Variants in ZNF451 observed in about 807,000 individuals in gnomAD.
ZNF451 encodes E3 SUMO-protein ligase ZNF451.
Under a neutral mutation model 107.1 loss-of-function variants are expected in ZNF451, and 80 were observed. That is an observed-to-expected ratio of 0.75 (90% CI 0.62 to 0.90). ZNF451 has a LOEUF of 0.90. Ranked by LOEUF, ZNF451 falls within the 40% of genes least tolerant of loss-of-function variation. ZNF451 has a pLI of 0.00. For missense variants in ZNF451, 1,107 were observed against 1,236.2 expected, an observed-to-expected ratio of 0.90 and a Z score of 1.57; for synonymous variants, 362 against 406.5, an observed-to-expected ratio of 0.89 and a Z score of 1.32.
In ZNF451 at chr6:57,158,010, A is replaced by G. The variant is rs185644047; in HGVS notation, c.3071-3074A>G. Among the ~76,000 whole-genome samples, 42 of 152,362 alleles carry G rather than the reference A, an allele frequency of 2.8e-4. No individual in the cohort carries two copies. In the East Asian group the frequency reaches 7.3e-3, roughly 27 times the overall value. ...TAAATATGTTGAAAGAACTTCTTCCATATGCTTTTTAATCCCCTTTGCAAG... is the reference window on the plus strand; with the variant it reads ...TAAATATGTTGAAAGAACTTCTTCCGTATGCTTTTTAATCCCCTTTGCAAG... On this transcript the variant is annotated intron_variant, in intron 13 of 14. Transcript: ENST00000370706.
In ZNF451 at chr6:57,105,654, AT is replaced by A. The variant is rs1029508745; in HGVS notation, c.186+6517del. The A allele has an allele frequency of 3.0e-6, 3 of 985,128 alleles. No individual in the cohort carries two copies. In the African/African-American group the frequency reaches 5.2e-5, roughly 17 times the overall value. 61.0% of individuals were successfully genotyped at this position (985,128 alleles called of 1,614,324 possible). On this transcript the variant is annotated intron_variant, in intron 3 of 14. Coordinates refer to ENST00000370706, the MANE Select transcript of ZNF451 (RefSeq NM_001031623.3). ...CCTTTTTGTTATTAGTGAGTGGCTA[AT>A]TTTGGGGGGCCTTAAGGCAGCTTTG...
intron 13 of ZNF451, among the ~76,000 whole-genome samples, chr6:57,157,675 T>G (rs942982169): frequency 1.6e-4 from 25 of 152,190 alleles, no homozygotes; most frequent in Non-Finnish European, 7.3e-5. Flanking sequence ...ATCATTTCTA[T>G]TTTATATTGT....
chr6:57,100,904 T>A (rs995586113), intron 3 of ZNF451: 6 of 1,550,670 alleles, frequency 3.9e-6, no homozygotes, highest in Non-Finnish European at 4.4e-6. Context: ...TCTTCTGAGG[T>A]CAAAGAGAAT....
At chr6:57,112,536 G>A (rs1004267414) in intron 3 of ZNF451, among the ~76,000 whole-genome samples, 7 of 152,156 alleles carry the variant, frequency 4.6e-5, no homozygotes, top group African/African-American at 7.2e-5. Flanking sequence ...ATTGTTTTGT[G>A]TATATCCCCT....
At chr6:57,101,785 C>T (rs1368957218) in intron 3 of ZNF451, 8 of 1,550,366 alleles carry the variant, frequency 5.2e-6, no homozygotes, top group Non-Finnish European at 6.1e-6. Context: ...AGACTATAGA[C>T]GGCAGGCCTG....
chr6:57,131,703 G>A (rs1562610352), intron 5 of ZNF451, among the ~76,000 whole-genome samples: 1 of 152,084 alleles, frequency 6.6e-6, no homozygotes, highest in Non-Finnish European at 1.5e-5. Flanking sequence ...AAATCATATT[G>A]TCTTAAGGGA....
intron 13 of ZNF451, among the ~76,000 whole-genome samples, chr6:57,156,974 C>T (rs1375712639): frequency 6.6e-6 from 1 of 152,228 alleles, no homozygotes; most frequent in African/African-American, 2.4e-5. Flanking sequence ...CTGCTGCTCA[C>T]CTCCTGCTGT....
chr6:57,133,246 G>A (rs1831269009), intron 6 of ZNF451, 54 bp downstream of exon 6: 2 of 1,531,170 alleles, frequency 1.3e-6, no homozygotes, highest in East Asian at 4.6e-5. Context: ...GCTACCAAGT[G>A]ATTTCATAAA....
intron 3 of ZNF451, chr6:57,108,912 A>G: frequency 3.0e-6 from 3 of 985,418 alleles, no homozygotes; most frequent in Non-Finnish European, 2.4e-6. Context: ...AGCTTTAAAT[A>G]TGGACTTTTT....
At chr6:57,104,038 G>T in intron 3 of ZNF451, 1 of 984,954 alleles carries the variant, frequency 1.0e-6, no homozygotes, top group South Asian at 4.7e-5. Flanking sequence ...TAATAAAGGG[G>T]ATATTGTTTT....
Position 57,168,572 on chromosome 6 carries a change from G to A in ZNF451, c.*103G>A, listed in dbSNP as rs1764005230. ...AGACCAGAAATCCACTATTACAAAT[G>A]TATTTGAAAACATGTTTTTGCTTTC... On this transcript the variant is annotated 3_prime_UTR_variant, in exon 15 of 15. Transcript: ENST00000370706. 2 of 916,254 alleles carry A rather than the reference G, an allele frequency of 2.2e-6. No homozygotes were observed. Among genetic ancestry groups the A allele is most frequent in the Non-Finnish European group, 3.4e-6 (2 of 584,402 alleles). The allele number at this position is 916,254 out of a possible 1,614,324, so 56.8% of individuals were successfully genotyped here.
chr6:57,109,877 A>G (rs1258116390), intron 3 of ZNF451, among the ~76,000 whole-genome samples: 1 of 152,214 alleles, frequency 6.6e-6, no homozygotes, highest in Non-Finnish European at 1.5e-5. Context: ...AGTTTGTCAG[A>G]CATCTTTTTC....
chr6:57,100,906 A>G, intron 3 of ZNF451: 1 of 1,550,754 alleles, frequency 6.4e-7, no homozygotes, highest in African/African-American at 1.4e-5. Context: ...TTCTGAGGTC[A>G]AAGAGAATTT....
At position 57,107,977 on chromosome 6, in the gene ZNF451, T is replaced by G. The variant is rs1829945533; in HGVS notation, c.186+8836T>G. On this transcript the variant is annotated intron_variant, in intron 3 of 14. Coordinates refer to ENST00000370706, the MANE Select transcript of ZNF451 (RefSeq NM_001031623.3). ...CCTAAGCCTCCTGAGTAGCTGGGAC[T>G]ACAGGCGCCCGCCACCACACCCGGC... is the stretch of plus-strand genomic sequence containing the variant. 1.0e-5 allele frequency: 5 copies of G among 483,362 alleles called. No homozygotes were observed. In the South Asian group the frequency reaches 3.6e-4, roughly 34 times the overall value. 29.9% of individuals were successfully genotyped at this position (483,362 alleles called of 1,614,324 possible). A position where few individuals can be genotyped will look rare whatever the true frequency, so the allele number is the denominator to read the frequency against.
In ZNF451 at chr6:57,131,404, G is replaced by A. The variant is rs184454573; in HGVS notation, c.425-1638G>A. ...GCTTCTCCAACTTTATTTTTATCCA[G>A]AGCCACTATTTATAGCTAAATAAAG... On this transcript the variant is annotated intron_variant, in intron 5 of 14. Transcript: ENST00000370706. 1.6e-4 allele frequency among the ~76,000 whole-genome samples: 24 copies of A among 151,888 alleles called. No homozygotes were observed. In the East Asian group the frequency reaches 4.6e-3, roughly 29 times the overall value.
At position 57,150,708 on chromosome 6, in the gene ZNF451, T is replaced by C. The variant is rs1260889252; in HGVS notation, c.2609-11T>C. 6.3e-7 allele frequency: 1 copy of C among 1,585,802 alleles called. No individual in the cohort carries two copies. Among genetic ancestry groups the C allele is most frequent in the Admixed American group, 1.9e-5 (1 of 53,992 alleles). ...CTTACTGAACTCATGTTGATATTTC[T>C]CTCTTCTCAGAGGAAGAAATTGTTG... is the stretch of plus-strand genomic sequence containing the variant. On this transcript the variant is annotated splice_polypyrimidine_tract_variant and intron_variant, in intron 10 of 14. Coordinates refer to ENST00000370706, the MANE Select transcript of ZNF451 (RefSeq NM_001031623.3).
intron 3 of ZNF451, chr6:57,101,942 A>G (rs1829618966): frequency 3.2e-6 from 5 of 1,550,538 alleles, no homozygotes; most frequent in East Asian, 2.4e-5. Context: ...GATCACAAAT[A>G]CTATAATCAG....
chr6:57,105,848 AG>A (rs1274377686), intron 3 of ZNF451: 23 of 985,112 alleles, frequency 2.3e-5, no homozygotes, highest in Non-Finnish European at 2.7e-5. Context: ...TTTTTTTAAA[AG>A]AATGAATGAC....
At chr6:57,103,152 GA>G in intron 3 of ZNF451, 1 of 985,402 alleles carries the variant, frequency 1.0e-6, no homozygotes, top group East Asian at 1.1e-4. Flanking sequence ...CTAAGACCAA[GA>G]ATTCCAAACA....
Sources: gnomAD v4.1 joint callset for allele counts (sites outside exome capture counted in the v4.1 genomes callset) on GRCh38, gnomAD v4.1.1 for gene constraint, MANE v1.5 for transcripts, NCBI Gene and HGNC (gene_info 2026-07-23, HGNC 2026-07-21) for gene names.